The following HECTD4 variants were observed in gnomAD, a reference collection of about 807,000 sequenced individuals.
HECTD4 encodes probable E3 ubiquitin-protein ligase HECTD4.
Under a neutral mutation model 471.5 loss-of-function variants are expected in HECTD4, and 114 were observed. The observed-to-expected ratio is 0.24, with a 90% CI of 0.21 to 0.28. The LOEUF is 0.28. Ranked by LOEUF, HECTD4 falls within the 10% of genes least tolerant of loss-of-function variation. HECTD4 has a pLI of 1.00. For synonymous variants in HECTD4, 2,012 were observed against 2,256.0 expected (o/e 0.89, Z 3.07); for missense variants, 3,866 against 5,651.5 (o/e 0.68, Z 10.13).
chr12:112,233,140 G>T lies in HECTD4; in HGVS notation c.5916-55C>A, dbSNP rs1183900188. On this transcript the variant is annotated intron_variant, in intron 37 of 75. Transcript: ENST00000682272. ...CACCTTACAGGCACTGCCAAAAGTG[G>T]GCTGCATGCCATGGGGTCACCCAGT... 104 of 1,453,210 alleles carry T rather than the reference G, an allele frequency of 7.2e-5. No individual in the cohort carries two copies. The East Asian group carries it at 1.8e-3, about 26-fold the overall frequency. The allele number at this position is 1,453,210 out of a possible 1,614,324, so 90.0% of individuals were successfully genotyped here.
chr12:112,239,853 A>G lies in HECTD4; in HGVS notation c.5105+28T>C, dbSNP rs1280805034. On this transcript the variant is annotated intron_variant, in intron 33 of 75. Transcript: ENST00000682272. This position sits in a 1 kb window ranked among gnomAD's most constrained non-coding sequence, Gnocchi z 4.9. Reference sequence around the variant, plus strand: ...TCGACTATACTGCAGGGTAACTTACATACAACAAAAGGCCTTTCCGTACTT... The same window carrying G: ...TCGACTATACTGCAGGGTAACTTACGTACAACAAAAGGCCTTTCCGTACTT... 6.3e-7 allele frequency: 1 copy of G among 1,589,136 alleles called. No individual in the cohort carries two copies. Among genetic ancestry groups the G allele is most frequent in the African/African-American group, 1.3e-5 (1 of 74,396 alleles).
chr12:112,300,513 G>C (rs1248654936), intron 7 of HECTD4, among the ~76,000 whole-genome samples: 1 of 152,138 alleles, frequency 6.6e-6, no homozygotes, highest in East Asian at 1.9e-4. Context: ...GAAATTTCAT[G>C]ATGGTGTGGG....
In HECTD4 at chr12:112,382,087, G is replaced by GGCCGCCGCCGCC; in HGVS notation, c.30_41dup (p.Ala12_Ala15dup). On this transcript the variant is annotated inframe_insertion, in exon 1 of 76. Coordinates refer to ENST00000682272, the MANE Select transcript of HECTD4 (RefSeq NM_001388303.1). ...CCGAGAGCCACTGCGCCGAGTCAGC[G>GGCCGCCGCCGCC]GCCGCCGCCGCCGCCGCCGCCGCGG... The GGCCGCCGCCGCC allele has an allele frequency of 2.4e-6, 3 of 1,225,402 alleles. No individual in the cohort carries two copies. The highest frequency in any genetic ancestry group is 4.3e-5 in the Admixed American group (1 of 23,332). 75.9% of individuals were successfully genotyped at this position (1,225,402 alleles called of 1,614,324 possible).
intron 3 of HECTD4, among the ~76,000 whole-genome samples, chr12:112,313,378 G>A (rs1387239796): frequency 1.2e-4 from 18 of 150,512 alleles, no homozygotes; most frequent in Non-Finnish European, 2.5e-4. Context: ...GCAGTGGTGC[G>A]ATCTCAGCTG....
At chr12:112,315,465 G>A (rs1223455976) in intron 2 of HECTD4, among the ~76,000 whole-genome samples, 1 of 152,130 alleles carries the variant, frequency 6.6e-6, no homozygotes, top group Non-Finnish European at 1.5e-5. Context: ...AGAAGGCAAG[G>A]AGGCAGCAGA....
intron 1 of HECTD4, among the ~76,000 whole-genome samples, chr12:112,323,729 G>A (rs2035631651): frequency 6.6e-6 from 1 of 151,792 alleles, no homozygotes; most frequent in Non-Finnish European, 1.5e-5. Flanking sequence ...ATTGTTCCCA[G>A]TTGTGGTGGT....
rs1388756172 is a variant in HECTD4 at position 112,246,953 on chromosome 12, T to G, written c.4461A>C (p.Ala1487=). ...RAELLLHVTI[A]AQSGLTRSIS... ...TGCTTCTCGTGAGGCCCGACTGGGC[T>G]GCGATGGTGACATGCAGCAACAGCT... Residue 1487 remains alanine, a synonymous_variant, in exon 29 of 76, where the codon GCA becomes GCC. Coordinates refer to ENST00000682272, the MANE Select transcript of HECTD4 (RefSeq NM_001388303.1). 1.2e-6 allele frequency: 2 copies of G among 1,612,190 alleles called. No homozygotes were observed. The highest frequency in any genetic ancestry group is 2.7e-5 in the African/African-American group (2 of 74,858).
Position 112,307,838 on chromosome 12 carries a change from G to A in HECTD4, c.1164+915C>T, listed in dbSNP as rs546880713. 2.6e-5 allele frequency among the ~76,000 whole-genome samples: 4 copies of A among 152,376 alleles called. No homozygotes were observed. In the South Asian group the frequency reaches 6.2e-4, roughly 24 times the overall value. ...TTTGTTTGAAAGGCAGAAAGTTGCA[G>A]TGTAAAGAGTTCAAAGTACTGGGCA... is the stretch of plus-strand genomic sequence containing the variant. On this transcript the variant is annotated intron_variant, in intron 6 of 75. Transcript: ENST00000682272.
intron 4 of HECTD4, among the ~76,000 whole-genome samples, chr12:112,311,552 A>G (rs2035370138): frequency 6.8e-6 from 1 of 147,620 alleles, no homozygotes; most frequent in Non-Finnish European, 1.5e-5. Flanking sequence ...TGAGCCTGGG[A>G]GGTCGAGGCT....
At position 112,193,152 on chromosome 12, in the gene HECTD4, A is replaced by C. The variant is rs1368353935; in HGVS notation, c.8995T>G (p.Ser2999Ala). Reference sequence around the variant, plus strand: ...ACGTCCATGTTGACTTTGGATTCGGAAATTGGGAACTCTTCGGAGGGGAAC... The same window carrying C: ...ACGTCCATGTTGACTTTGGATTCGGCAATTGGGAACTCTTCGGAGGGGAAC... Reference protein sequence around the residue: ...EQFPSEEFPISESKVNMDVNF... With the variant: ...EQFPSEEFPIAESKVNMDVNF... Residue 2999 changes from serine to alanine, a missense_variant, in exon 58 of 76, where the codon TCC becomes GCC. By Grantham distance (99) the Ser-to-Ala change is moderately conservative. Transcript: ENST00000682272. This position sits in a 1 kb window ranked among gnomAD's most constrained non-coding sequence, Gnocchi z 5.2. The C allele has an allele frequency of 6.2e-7, 1 of 1,613,936 alleles. No individual in the cohort carries two copies. The highest frequency in any genetic ancestry group is 2.2e-5 in the East Asian group (1 of 44,886).
chr12:112,261,024 T>C (rs576696581), intron 18 of HECTD4, among the ~76,000 whole-genome samples: 4 of 152,246 alleles, frequency 2.6e-5, no homozygotes, highest in African/African-American at 9.6e-5. Flanking sequence ...GGAAAGGCCA[T>C]TTTGGGAGTG....
chr12:112,297,411 G>A (rs2035063567), intron 7 of HECTD4, among the ~76,000 whole-genome samples: 1 of 151,820 alleles, frequency 6.6e-6, no homozygotes, highest in Non-Finnish European at 1.5e-5. Context: ...CAGGTTGTAG[G>A]TGCAGTGGAT....
At chr12:112,250,872 T>C (rs1593976625) in intron 24 of HECTD4, 99 bp downstream of exon 24, 1 of 1,181,668 alleles carries the variant, frequency 8.5e-7, no homozygotes, top group Non-Finnish European at 1.2e-6. Flanking sequence ...TGCCAGGCAG[T>C]AGGCACAATC....
chr12:112,323,948 T>G (rs530685632), intron 1 of HECTD4, among the ~76,000 whole-genome samples: 1,265 of 42,456 alleles, frequency 0.03, 49 homozygotes, highest in African/African-American at 0.21. Context: ...ACTGAGGTGC[T>G]TCTTTCTTTC....
At chr12:112,251,511 T>C (rs973020411) in intron 23 of HECTD4, among the ~76,000 whole-genome samples, 1 of 152,234 alleles carries the variant, frequency 6.6e-6, no homozygotes, top group African/African-American at 2.4e-5. Context: ...TGTGATGTTG[T>C]CAATGACTGC....
At chr12:112,209,752 A>T (rs1228723263) in intron 50 of HECTD4, among the ~76,000 whole-genome samples, 1 of 152,222 alleles carries the variant, frequency 6.6e-6, no homozygotes, top group Non-Finnish European at 1.5e-5. Flanking sequence ...CTTCATACAA[A>T]GTCCTGGGGC....
chr12:112,291,678 C>T (rs995206990), intron 7 of HECTD4, among the ~76,000 whole-genome samples: 1 of 152,122 alleles, frequency 6.6e-6, no homozygotes, highest in Non-Finnish European at 1.5e-5. Context: ...TGAGACCATC[C>T]TGGCTAACAT....
rs576601645 is a variant in HECTD4 at position 112,160,310 on chromosome 12, G to A, written c.*2077C>T. ...GAGTAGATGATCACACAACTCTTAA[G>A]GTAAATCAAAATTAGATGAAGGTTA... On this transcript the variant is annotated 3_prime_UTR_variant, in exon 76 of 76. Coordinates refer to ENST00000682272, the MANE Select transcript of HECTD4 (RefSeq NM_001388303.1). 6.6e-6 allele frequency: 1 copy of A among 152,270 alleles called. No homozygotes were observed. Among genetic ancestry groups the A allele is most frequent in the South Asian group, 2.1e-4 (1 of 4,818 alleles). The allele number at this position is 152,270 out of a possible 1,614,324, so 9.4% of individuals were successfully genotyped here. A position where few individuals can be genotyped will look rare whatever the true frequency, so the allele number is the denominator to read the frequency against.
chr12:112,253,912 G>A, intron 22 of HECTD4, 131 bp downstream of exon 22: 1 of 829,436 alleles, frequency 1.2e-6, no homozygotes, highest in South Asian at 1.9e-5. Context: ...TGACAGGCCT[G>A]GTAAGGTGGC....
Sources: allele counts gnomAD v4.1 joint callset (sites outside exome capture counted in the v4.1 genomes callset), GRCh38; gene constraint gnomAD v4.1.1; non-coding constraint Gnocchi (gnomAD v3.1); transcripts MANE v1.5; gene names NCBI Gene and HGNC (gene_info 2026-07-23, HGNC 2026-07-21).